Variants in EHBP1 observed in about 807,000 individuals in gnomAD.
EHBP1 encodes the protein EH domain-binding protein 1.
EHBP1 carries 55 observed loss-of-function variants against 144.0 expected under a neutral mutation model. The ratio of observed to expected loss-of-function variants is 0.38; its 90% confidence interval spans 0.31 to 0.48. The LOEUF (loss-of-function observed/expected upper bound fraction) is 0.48, where lower values mean the gene tolerates loss of function less well. EHBP1 is among the 20% of genes least tolerant of loss of function. The probability of loss-of-function intolerance (pLI) is 0.98; values close to 1 mark genes in which losing one functional copy is unlikely to be tolerated. For missense variants in EHBP1, 1,200 were observed against 1,364.2 expected (o/e 0.88, Z 1.90); for synonymous variants, 469 against 472.7 (o/e 0.99, Z 0.10).
intron 5 of EHBP1, among the ~76,000 whole-genome samples, chr2:62,820,825 G>A (rs1478287989): frequency 7.5e-6 from 1 of 133,288 alleles, no homozygotes; most frequent in Non-Finnish European, 1.6e-5. Context: ...TTTTCAAAAA[G>A]TGAAGGGAAA....
Position 62,842,422 on chromosome 2 carries a change from A to T in EHBP1, c.634+11264A>T, listed in dbSNP as rs2047968414. 2.0e-5 allele frequency among the ~76,000 whole-genome samples: 3 copies of T among 152,166 alleles called. No homozygotes were observed. The South Asian group carries it at 6.2e-4, about 31-fold the overall frequency. ...TATAAGGGCAATAGTATTATCCACG[A>T]GGGCAGATCCCTCATGAACTAATGA... On this transcript the variant is annotated intron_variant, in intron 7 of 22. Coordinates refer to ENST00000431489, the MANE Select transcript of EHBP1 (RefSeq NM_001142616.3).
intron 10 of EHBP1, among the ~76,000 whole-genome samples, chr2:62,878,522 C>T (rs2051086019): frequency 6.6e-6 from 1 of 152,158 alleles, no homozygotes; most frequent in Non-Finnish European, 1.5e-5. Flanking sequence ...AAAAGGAAAA[C>T]TTCAGGTCAG....
chr2:62,724,262 C>T (rs1472969441), intron 2 of EHBP1, among the ~76,000 whole-genome samples: 1 of 152,176 alleles, frequency 6.6e-6, no homozygotes, highest in Non-Finnish European at 1.5e-5. Flanking sequence ...TTGGTCTGTT[C>T]TGCTGTTAGT....
chr2:62,835,691 G>A (rs545244363), intron 7 of EHBP1, among the ~76,000 whole-genome samples: 147 of 152,314 alleles, frequency 9.7e-4, no homozygotes, highest in African/African-American at 3.0e-3. Context: ...AAGCGCAAGG[G>A]GTCAGGGAGT....
chr2:62,767,958 G>T (rs537074958), intron 4 of EHBP1, among the ~76,000 whole-genome samples: 1 of 151,702 alleles, frequency 6.6e-6, no homozygotes, highest in African/African-American at 2.4e-5. Flanking sequence ...CAGATATCAA[G>T]AAGTTATTTG....
At chr2:62,685,701 A>G (rs2033695576) in intron 1 of EHBP1, among the ~76,000 whole-genome samples, 1 of 152,174 alleles carries the variant, frequency 6.6e-6, no homozygotes, top group African/African-American at 2.4e-5. Context: ...ATATCTGTTC[A>G]TAGTCCAGAG....
At chr2:62,909,435 G>A (rs1402297069) in intron 10 of EHBP1, among the ~76,000 whole-genome samples, 1 of 152,188 alleles carries the variant, frequency 6.6e-6, no homozygotes, top group Non-Finnish European at 1.5e-5. Context: ...CACCCGCCTT[G>A]GCCTTCCAAA....
At chr2:62,965,102 C>T (rs943731980) in intron 14 of EHBP1, 2 of 152,484 alleles carry the variant, frequency 1.3e-5, no homozygotes, top group African/African-American at 2.4e-5. Context: ...TGATTTTAGC[C>T]GCAGAAACTG....
intron 15 of EHBP1, among the ~76,000 whole-genome samples, chr2:62,982,622 A>G (rs2059020148): frequency 6.6e-6 from 1 of 152,204 alleles, no homozygotes; most frequent in Admixed American, 6.5e-5. Context: ...AGAGAGAGAA[A>G]TAACTTGAGA....
chr2:62,955,589 G>A lies in EHBP1; in HGVS notation c.2389G>A (p.Ala797Thr). Residue 797 changes from alanine (A) to threonine (T), a missense_variant, in exon 14 of 23, where the codon GCA becomes ACA. Transcript: ENST00000431489. Reference sequence around the variant, plus strand: ...TCTGCTTGAGCAAGCAAGAAGAGATGCAGCCTTAAAGGCGGGGAATAAGCA... The same window carrying A: ...TCTGCTTGAGCAAGCAAGAAGAGATACAGCCTTAAAGGCGGGGAATAAGCA... The part of the protein sequence containing the change: ...RVLLEQARRD[A>T]ALKAGNKHNT... 6.2e-7 allele frequency: 1 copy of A among 1,613,026 alleles called. No homozygotes were observed. Among genetic ancestry groups the A allele is most frequent in the Non-Finnish European group, 8.5e-7 (1 of 1,179,356 alleles).
At chr2:62,879,596 C>CACAG (rs1280657756) in intron 10 of EHBP1, among the ~76,000 whole-genome samples, 2 of 140,960 alleles carry the variant, frequency 1.4e-5, no homozygotes, top group South Asian at 2.3e-4. Context: ...CACACAGAGA[C>CACAG]AGAGAGAGAG....
At chr2:62,870,985 G>C (rs950503704) in intron 9 of EHBP1, among the ~76,000 whole-genome samples, 4 of 152,074 alleles carry the variant, frequency 2.6e-5, no homozygotes, top group African/African-American at 9.7e-5. Flanking sequence ...AACCCAGGTT[G>C]ACATCTTATT....
intron 10 of EHBP1, among the ~76,000 whole-genome samples, chr2:62,913,717 A>G (rs2054393469): frequency 6.6e-6 from 1 of 152,228 alleles, no homozygotes; most frequent in South Asian, 2.1e-4. Flanking sequence ...TCCAAAGTGG[A>G]AAAATGTATT....
chr2:62,773,163 A>G lies in EHBP1; in HGVS notation c.312+1771A>G, dbSNP rs915053118. ...ATGTAATTAAACCGAAACGAGACAA[A>G]CAAAACAAAGGAAGTGCTATATTCT... On this transcript the variant is annotated intron_variant, in intron 5 of 22. Coordinates refer to ENST00000431489, the MANE Select transcript of EHBP1 (RefSeq NM_001142616.3). 7.2e-5 allele frequency among the ~76,000 whole-genome samples: 11 copies of G among 152,344 alleles called. No homozygotes were observed. The South Asian group carries it at 2.3e-3, about 32-fold the overall frequency.
rs112848275 is a variant in EHBP1, at chr2:62,769,295, A to G, written c.259-2044A>G. 2.7e-4 allele frequency among the ~76,000 whole-genome samples: 41 copies of G among 152,330 alleles called. 1 individual carries two copies. Among genetic ancestry groups the G allele is most frequent in the African/African-American group, 8.7e-4 (36 of 41,580 alleles). ...GCCCAAAAGCTCCTGCAGCTGATAA[A>G]TAACTTCAGCAAAGTTTTAGGATAC... On this transcript the variant is annotated intron_variant, in intron 4 of 22. Transcript: ENST00000431489.
chr2:62,816,797 A>G (rs1226591034), intron 5 of EHBP1, among the ~76,000 whole-genome samples: 1 of 152,152 alleles, frequency 6.6e-6, no homozygotes, highest in Non-Finnish European at 1.5e-5. Context: ...TTTCCAAGGT[A>G]TTACTGAAGT....
intron 2 of EHBP1, among the ~76,000 whole-genome samples, chr2:62,725,758 C>A (rs980963122): frequency 2.0e-5 from 3 of 152,050 alleles, no homozygotes; most frequent in African/African-American, 7.3e-5. Flanking sequence ...GCAAGGAAGC[C>A]AAAACTTGCC....
chr2:62,856,303 C>A (rs985939780), intron 7 of EHBP1, among the ~76,000 whole-genome samples: 1 of 152,240 alleles, frequency 6.6e-6, no homozygotes, highest in East Asian at 1.9e-4. Context: ...CATGCCAGGG[C>A]TGTGACTCCC....
intron 2 of EHBP1, among the ~76,000 whole-genome samples, chr2:62,712,837 C>G (rs937788252): frequency 3.9e-5 from 6 of 152,078 alleles, no homozygotes; most frequent in Admixed American, 6.6e-5. Flanking sequence ...ATGTTAATGA[C>G]AAGATACTGG....
Sources: gnomAD v4.1 joint callset for allele counts (sites outside exome capture counted in the v4.1 genomes callset) on GRCh38, gnomAD v4.1.1 for gene constraint, MANE v1.5 for transcripts, NCBI Gene and HGNC (gene_info 2026-07-23, HGNC 2026-07-21) for gene names.